RUBCNL: variants seen among roughly 807,000 people sequenced by gnomAD.
The protein encoded by RUBCNL is rubicon like autophagy enhancer.
In RUBCNL, 62 loss-of-function variants were observed where a neutral mutation model predicts 69.5. That is an observed-to-expected ratio of 0.89 (90% CI 0.73 to 1.10). The LOEUF is 1.10. RUBCNL is among the 50% of genes least tolerant of loss of function. The pLI is 0.00. For missense variants in RUBCNL, 768 were observed against 798.1 expected (o/e 0.96, Z 0.45); for synonymous variants, 291 against 303.6 (o/e 0.96, Z 0.43).
intron 12 of RUBCNL, among the ~76,000 whole-genome samples, chr13:46,348,887 C>T (rs981608275): frequency 1.3e-5 from 2 of 152,142 alleles, no homozygotes; most frequent in African/African-American, 2.4e-5. Flanking sequence ...CAGGTGTGAG[C>T]CACCGTGCCT....
rs2048123942 is a variant in RUBCNL, at chr13:46,339,229, T to C, written c.*4156A>G. ...GTGTCTGCAGCCTGCTACCTCAGCATTACTCATAAAAGTATTGTTTTAGTT... is the reference window on the plus strand; with the variant it reads ...GTGTCTGCAGCCTGCTACCTCAGCACTACTCATAAAAGTATTGTTTTAGTT... On this transcript the variant is annotated 3_prime_UTR_variant, in exon 15 of 15. Transcript: ENST00000429979. 1.3e-5 allele frequency among the ~76,000 whole-genome samples: 2 copies of C among 152,144 alleles called. No individual in the cohort carries two copies. The highest frequency in any genetic ancestry group is 1.3e-4 in the Admixed American group (2 of 15,276).
chr13:46,344,697 T>C (rs1461916876), intron 14 of RUBCNL, 44 bp downstream of exon 14: 2 of 1,266,498 alleles, frequency 1.6e-6, no homozygotes, highest in African/African-American at 3.0e-5. Flanking sequence ...TTAGTTTAAT[T>C]AGTTAACCTA....
chr13:46,354,799 G>A (rs887000474), intron 10 of RUBCNL: 2 of 456,570 alleles, frequency 4.4e-6, no homozygotes, highest in African/African-American at 4.0e-5. Flanking sequence ...AAGATGATAA[G>A]CAAGCTCCCT....
intron 12 of RUBCNL, among the ~76,000 whole-genome samples, chr13:46,347,092 A>G (rs1466804166): frequency 6.6e-6 from 1 of 152,198 alleles, no homozygotes; most frequent in African/African-American, 2.4e-5. Context: ...CCAGGGAGAG[A>G]GCATAATACC....
At chr13:46,350,071 G>T (rs2048336538) in intron 11 of RUBCNL, 42 bp downstream of exon 11, 5 of 1,422,366 alleles carry the variant, frequency 3.5e-6, no homozygotes, top group Non-Finnish European at 4.8e-6. Flanking sequence ...CCTGCCACAG[G>T]ACACTTCCAA....
chr13:46,347,274 G>A (rs974081043), intron 12 of RUBCNL, among the ~76,000 whole-genome samples: 33 of 152,062 alleles, frequency 2.2e-4, no homozygotes, highest in South Asian at 2.1e-4. Context: ...AGGTGTGATG[G>A]CACATGTCTG....
chr13:46,370,007 C>A (rs1251168930), intron 3 of RUBCNL, among the ~76,000 whole-genome samples: 3 of 152,220 alleles, frequency 2.0e-5, no homozygotes, highest in African/African-American at 7.2e-5. Flanking sequence ...CTCTCTTCTG[C>A]CGCTGTAGTG....
chr13:46,372,140 A>G lies in RUBCNL; in HGVS notation c.336T>C (p.Val112=). The change falls in exon 3 of 15, where the codon GTT becomes GTC. Residue 112 remains valine (V), a synonymous_variant. Coordinates refer to ENST00000429979, the MANE Select transcript of RUBCNL (RefSeq NM_025113.5). ...TTLSEDTTDS[V]GSASPHGSSE... ...TCGAGCCATGGGGAGAAGCGCTGCC[A>G]ACGGAGTCTGTGGTATCCTCAGACA... The G allele has an allele frequency of 6.2e-7, 1 of 1,614,040 alleles. No homozygotes were observed. The highest frequency in any genetic ancestry group is 1.7e-5 in the Admixed American group (1 of 60,028).
chr13:46,348,664 T>G (rs961962692), intron 12 of RUBCNL, among the ~76,000 whole-genome samples: 1 of 150,522 alleles, frequency 6.6e-6, no homozygotes. Flanking sequence ...AGTTCAGTGG[T>G]GCGATCTTGA....
intron 1 of RUBCNL, among the ~76,000 whole-genome samples, chr13:46,378,844 T>C (rs1349420028): frequency 6.6e-6 from 1 of 152,202 alleles, no homozygotes; most frequent in East Asian, 1.9e-4. Context: ...TTTAGGATTT[T>C]CTATGCCCCA....
rs116826844 is a variant in RUBCNL, at chr13:46,379,549, G to A, written c.-238-1544C>T. 4.3e-3 allele frequency among the ~76,000 whole-genome samples: 652 copies of A among 152,276 alleles called. 5 individuals are homozygous for A. Among genetic ancestry groups the A allele is most frequent in the African/African-American group, 0.015 (612 of 41,542 alleles). ...TGTTGTTTATTTCCTTGTCACCCAA[G>A]AAAGGAAGTCAAGAATGGATGTCAC... On this transcript the variant is annotated intron_variant, in intron 1 of 14. Transcript: ENST00000429979.
intron 5 of RUBCNL, among the ~76,000 whole-genome samples, chr13:46,367,138 C>T (rs548966550): frequency 1.5e-4 from 23 of 152,322 alleles, no homozygotes; most frequent in East Asian, 1.2e-3. Flanking sequence ...ACTCGTCCCT[C>T]GGGGAAGAGC....
chr13:46,363,194 G>C lies in RUBCNL; in HGVS notation c.846C>G (p.Val282=). ...AAGTACGTGTTTCAGTCACTGGGCT[G>C]ACCTGTAACACAGCACAACCTAGAC... ...SGYEGCAVLQ[V]SPVTETRTYH... is the part of the protein sequence containing the mutation. The change falls in exon 6 of 15, where the codon GTC becomes GTG. Residue 282 remains valine, a synonymous_variant. Coordinates refer to ENST00000429979, the MANE Select transcript of RUBCNL (RefSeq NM_025113.5). 6.3e-7 allele frequency: 1 copy of C among 1,585,994 alleles called. No individual in the cohort carries two copies. Among genetic ancestry groups the C allele is most frequent in the Middle Eastern group, 1.7e-4 (1 of 5,968 alleles).
Position 46,362,624 on chromosome 13 carries a change from G to T in RUBCNL, c.926-26C>A, listed in dbSNP as rs747480623. On this transcript the variant is annotated intron_variant, in intron 6 of 14. Transcript: ENST00000429979. ...CTGTGGGAAAATAAAAGAAAGAGTG[G>T]TGAGGTCTTTTAGTCTGTTTCATTT... 10 of 1,532,962 alleles carry T rather than the reference G, an allele frequency of 6.5e-6. 1 individual carries two copies. In the South Asian group the frequency reaches 1.1e-4, roughly 18 times the overall value. The allele number at this position is 1,532,962 out of a possible 1,614,324, so 95.0% of individuals were successfully genotyped here.
intron 5 of RUBCNL, among the ~76,000 whole-genome samples, chr13:46,363,426 C>T (rs531572334): frequency 3.3e-5 from 5 of 152,192 alleles, no homozygotes; most frequent in South Asian, 2.1e-4. Flanking sequence ...CCCAGCTATT[C>T]GGAAGGCTTT....
intron 2 of RUBCNL, among the ~76,000 whole-genome samples, chr13:46,376,434 A>T (rs2048996348): frequency 6.6e-6 from 1 of 152,126 alleles, no homozygotes; most frequent in Non-Finnish European, 1.5e-5. Flanking sequence ...AAAGCCCCAA[A>T]TCACCATTCA....
In RUBCNL at chr13:46,387,200, G is replaced by A. The variant is rs1270455345; in HGVS notation, c.-305C>T. On this transcript the variant is annotated 5_prime_UTR_variant, in exon 1 of 15. Transcript: ENST00000429979. ...CCGCGCGTCGGGTCCTCCCTCGCGC[G>A]GCTCCGGGCAGCGTTCCGTGGCCAC... The A allele has an allele frequency of 2.0e-6, 2 of 985,216 alleles. No individual in the cohort carries two copies. The highest frequency in any genetic ancestry group is 1.7e-5 in the African/African-American group (1 of 57,222). 61.0% of individuals were successfully genotyped at this position (985,216 alleles called of 1,614,324 possible).
chr13:46,349,054 CTTTA>C (rs2048311932), intron 12 of RUBCNL, among the ~76,000 whole-genome samples: 1 of 152,206 alleles, frequency 6.6e-6, no homozygotes, highest in Admixed American at 6.5e-5. Context: ...AACCTCTTTC[CTTTA>C]TAAATTACCC....
rs576328841 is a variant in RUBCNL, at chr13:46,338,482, T to A, written c.*4903A>T. ...ACCTGAGCAGCCCTAAAAGTGGGGT[T>A]GAGACCACAGGGCAGGGGATTCTGT... is the stretch of plus-strand genomic sequence containing the variant. On this transcript the variant is annotated 3_prime_UTR_variant, in exon 15 of 15. Coordinates refer to ENST00000429979, the MANE Select transcript of RUBCNL (RefSeq NM_025113.5). 6.6e-6 allele frequency among the ~76,000 whole-genome samples: 1 copy of A among 152,170 alleles called. No homozygotes were observed. The highest frequency in any genetic ancestry group is 2.4e-5 in the African/African-American group (1 of 41,526).
Sources: allele counts gnomAD v4.1 joint callset (sites outside exome capture counted in the v4.1 genomes callset), GRCh38; gene constraint gnomAD v4.1.1; transcripts MANE v1.5; gene names NCBI Gene and HGNC (gene_info 2026-07-23, HGNC 2026-07-21).